The following AKAP1 variants were observed in gnomAD, a reference collection of about 807,000 sequenced individuals.
The protein encoded by AKAP1 is A-kinase anchoring protein 1.
AKAP1 carries 32 observed loss-of-function variants against 79.8 expected under a neutral mutation model. The ratio of observed to expected loss-of-function variants is 0.40; its 90% CI spans 0.30 to 0.54. AKAP1 has a LOEUF of 0.54. AKAP1 is among the 20% of genes least tolerant of loss of function. The pLI, the probability that AKAP1 is intolerant of heterozygous loss-of-function variation, is 0.47. For missense variants in AKAP1, 961 were observed against 1,138.9 expected, an observed-to-expected ratio of 0.84 and a Z score of 2.25; for synonymous variants, 416 against 466.7, an observed-to-expected ratio of 0.89 and a Z score of 1.40.
chr17:57,086,258 C>A lies in AKAP1; in HGVS notation c.-25+860C>A. On this transcript the variant is annotated intron_variant, in intron 1 of 10. Coordinates refer to ENST00000337714, the MANE Select transcript of AKAP1 (RefSeq NM_003488.4). This position sits in a 1 kb window ranked among gnomAD's most constrained non-coding sequence, Gnocchi z 5.1. ...GGTCTGCGATCTGGAGGGACCGCGCCAGTTTTGGGGTTACGATGTGCTAGG... is the reference window on the plus strand; with the variant it reads ...GGTCTGCGATCTGGAGGGACCGCGCAAGTTTTGGGGTTACGATGTGCTAGG... 1 of 343,048 alleles carries A rather than the reference C, an allele frequency of 2.9e-6. No homozygotes were observed. The highest frequency in any genetic ancestry group is 3.9e-5 in the Admixed American group (1 of 25,776). 21.3% of individuals were successfully genotyped at this position (343,048 alleles called of 1,614,324 possible). A position where few individuals can be genotyped will look rare whatever the true frequency, so the allele number is the denominator to read the frequency against.
chr17:57,120,129 A>G, intron 10 of AKAP1, 121 bp from the exon 11 acceptor site: 2 of 831,686 alleles, frequency 2.4e-6, no homozygotes, highest in Non-Finnish European at 3.9e-6. Context: ...TCTGGCCTAC[A>G]CTGTTACTCT....
intron 3 of AKAP1, 108 bp downstream of exon 3, chr17:57,110,266 A>C: frequency 6.8e-7 from 1 of 1,468,372 alleles, no homozygotes; most frequent in South Asian, 1.3e-5. Flanking sequence ...ACAGTAAACC[A>C]GAAGGAGCCC....
intron 8 of AKAP1, 31 bp downstream of exon 8, chr17:57,116,958 T>C (rs778372501): frequency 5.6e-6 from 9 of 1,602,738 alleles, no homozygotes; most frequent in South Asian, 2.2e-5. Context: ...CTTGGGGGAT[T>C]GTTGGGGACA....
chr17:57,105,250 C>T (rs904429237), intron 1 of AKAP1, among the ~76,000 whole-genome samples, 191 bp from the exon 2 acceptor site: 5 of 152,156 alleles, frequency 3.3e-5, no homozygotes, highest in Admixed American at 6.5e-5. Flanking sequence ...CTCTTCCTGG[C>T]CACTGACCCC....
rs1476617578 is a variant in AKAP1, at chr17:57,114,580, A to G, written c.2225A>G (p.Gln742Arg). 10 of 1,614,094 alleles carry G rather than the reference A, an allele frequency of 6.2e-6. No individual in the cohort carries two copies. Among genetic ancestry groups the G allele is most frequent in the Non-Finnish European group, 8.5e-6 (10 of 1,180,044 alleles). Reference sequence around the variant, plus strand: ...CACGCGCTGCGCAGCCTCGACCAGCAGATGTACCTCTGTTACTCTCAGCCT... The same window carrying G: ...CACGCGCTGCGCAGCCTCGACCAGCGGATGTACCTCTGTTACTCTCAGCCT... ...TFHALRSLDQ[Q>R]MYLCYSQPGI... The change falls in exon 6 of 11, where the codon CAG (glutamine) becomes CGG (arginine). Residue 742 changes from glutamine to arginine, a missense_variant. This residue lies in a region of AKAP1 where 629 missense variants were observed against 781.1 expected (regional missense o/e 0.81). Transcript: ENST00000337714.
intron 1 of AKAP1, among the ~76,000 whole-genome samples, chr17:57,099,012 G>A (rs144642466): frequency 0.022 from 3,309 of 151,476 alleles, 120 homozygotes; most frequent in African/African-American, 0.076. Flanking sequence ...TGATCTGCCC[G>A]CCTCGGCCTC....
chr17:57,120,618 T>C lies in AKAP1; in HGVS notation c.*294T>C. ...AGAAACAGTTTCAACCAGATTGTCC[T>C]ATTCCCCCTGTTCCATTCCCCTCTT... On this transcript the variant is annotated 3_prime_UTR_variant, in exon 11 of 11. Coordinates refer to ENST00000337714, the MANE Select transcript of AKAP1 (RefSeq NM_003488.4). 3.5e-6 allele frequency: 1 copy of C among 285,266 alleles called. No homozygotes were observed. The highest frequency in any genetic ancestry group is 6.6e-6 in the Non-Finnish European group (1 of 152,460). The allele number at this position is 285,266 out of a possible 1,614,324, so 17.7% of individuals were successfully genotyped here. A position where few individuals can be genotyped will look rare whatever the true frequency, so the allele number is the denominator to read the frequency against.
At chr17:57,114,697 A>T (rs941087834) in intron 6 of AKAP1, 61 bp downstream of exon 6, 43 of 1,495,348 alleles carry the variant, frequency 2.9e-5, no homozygotes, top group Middle Eastern at 1.7e-4. Context: ...TCTGCCCTGG[A>T]TCCTGATCAG....
Position 57,110,267 on chromosome 17 carries a change from G to A in AKAP1, c.1848+109G>A, listed in dbSNP as rs1915159421. On this transcript the variant is annotated intron_variant, in intron 3 of 10. Coordinates refer to ENST00000337714, the MANE Select transcript of AKAP1 (RefSeq NM_003488.4). The stretch of plus-strand genomic sequence containing the variant: ...GGGCTGGGAGAGGGACAGTAAACCA[G>A]AAGGAGCCCTGGGTCAGCCAAAGGC... 6 of 1,465,336 alleles carry A rather than the reference G, an allele frequency of 4.1e-6. No individual in the cohort carries two copies. The East Asian group carries it at 1.4e-4, about 34-fold the overall frequency. The allele number at this position is 1,465,336 out of a possible 1,614,324, so 90.8% of individuals were successfully genotyped here. A position where few individuals can be genotyped will look rare whatever the true frequency, so the allele number is the denominator to read the frequency against.
At chr17:57,099,390 C>T (rs889927712) in intron 1 of AKAP1, among the ~76,000 whole-genome samples, 16 of 152,312 alleles carry the variant, frequency 1.1e-4, no homozygotes, top group African/African-American at 3.9e-4. Flanking sequence ...TGCATAGAAG[C>T]AGTGACACCT....
chr17:57,115,959 C>T, intron 6 of AKAP1, 152 bp from the exon 7 acceptor site: 1 of 916,952 alleles, frequency 1.1e-6, no homozygotes, highest in South Asian at 1.8e-5. Context: ...TTGGGGGAGG[C>T]TTTGCTTGGG....
chr17:57,116,059 G>T (rs750215012), intron 6 of AKAP1, 52 bp from the exon 7 acceptor site: 99 of 1,587,182 alleles, frequency 6.2e-5, no homozygotes, highest in Non-Finnish European at 8.3e-5. Context: ...GGTGGCCCTT[G>T]GTGCCCTGCC....
At chr17:57,116,688 G>C (rs999040227) in intron 7 of AKAP1, among the ~76,000 whole-genome samples, 172 bp from the exon 8 acceptor site, 1 of 152,180 alleles carries the variant, frequency 6.6e-6, no homozygotes, top group African/African-American at 2.4e-5. Flanking sequence ...CTTGCAGCAG[G>C]GTCGGCTGGC....
chr17:57,107,590 G>A (rs765924242), intron 2 of AKAP1, among the ~76,000 whole-genome samples: 72 of 152,074 alleles, frequency 4.7e-4, no homozygotes, highest in Admixed American at 7.2e-4. Context: ...TTCCGCCCTC[G>A]GCCTCCCAGA....
chr17:57,106,375 T>C lies in AKAP1; in HGVS notation c.911T>C (p.Leu304Pro). 1 of 1,613,430 alleles carries C rather than the reference T, an allele frequency of 6.2e-7. No individual in the cohort carries two copies. Among genetic ancestry groups the C allele is most frequent in the East Asian group, 2.2e-5 (1 of 44,812 alleles). ...KAQDRGVEGELGNEESLDRNE... is the reference protein window; with the variant it reads ...KAQDRGVEGEPGNEESLDRNE... ...CAGGATAGAGGTGTCGAGGGAGAAC[T>C]GGGCAATGAGGAGAGCTTGGATAGA... The change falls in exon 2 of 11, where the codon CTG becomes CCG. Residue 304 changes from leucine (L) to proline (P), a missense_variant. Leu to Pro is a moderately conservative substitution (Grantham distance 98). This residue lies in a region of AKAP1 where 629 missense variants were observed against 781.1 expected (regional missense o/e 0.81). Transcript: ENST00000337714.
chr17:57,108,245 C>T (rs576552934), intron 2 of AKAP1, among the ~76,000 whole-genome samples: 4 of 152,250 alleles, frequency 2.6e-5, no homozygotes, highest in South Asian at 2.1e-4. Flanking sequence ...TTGTACCACA[C>T]GCTACATTTT....
At chr17:57,116,830 A>G (rs759096378) in intron 7 of AKAP1, 30 bp from the exon 8 acceptor site, 11 of 1,609,234 alleles carry the variant, frequency 6.8e-6, no homozygotes, top group Non-Finnish European at 7.7e-6. Flanking sequence ...TCATGTCCAC[A>G]TTAAACTTGT....
rs765962497 is a variant in AKAP1 at position 57,114,462 on chromosome 17, A to G, written c.2107A>G (p.Met703Val). The change falls in exon 6 of 11, where the codon ATG becomes GTG. Residue 703 changes from methionine (M) to valine (V), a missense_variant. This residue lies in a region of AKAP1 where 629 missense variants were observed against 781.1 expected (regional missense o/e 0.81). Coordinates refer to ENST00000337714, the MANE Select transcript of AKAP1 (RefSeq NM_003488.4). Reference protein sequence around the residue: ...LPSLPMTSWLMLPDGITVEVI... With the variant: ...LPSLPMTSWLVLPDGITVEVI... Reference sequence around the variant, plus strand: ...CGCTCCCCCTTCCCCTCTACAGCTCATGCTGCCTGATGGCATCACCGTGGA... The same window carrying G: ...CGCTCCCCCTTCCCCTCTACAGCTCGTGCTGCCTGATGGCATCACCGTGGA... 6.2e-7 allele frequency: 1 copy of G among 1,613,862 alleles called. No individual in the cohort carries two copies. The highest frequency in any genetic ancestry group is 8.5e-7 in the Non-Finnish European group (1 of 1,179,902).
At position 57,108,533 on chromosome 17, in the gene AKAP1, C is replaced by T. The variant is rs548513408; in HGVS notation, c.1714+1355C>T. Among the ~76,000 whole-genome samples, 9 of 152,332 alleles carry T rather than the reference C, an allele frequency of 5.9e-5. No homozygotes were observed. In the South Asian group the frequency reaches 1.9e-3, roughly 32 times the overall value. On this transcript the variant is annotated intron_variant, in intron 2 of 10. Transcript: ENST00000337714. ...CTCTAGATGGATAGTAGTAGCTACTCAGACCTGTTGAAGTCTTCTGAGTTT... is the reference window on the plus strand; with the variant it reads ...CTCTAGATGGATAGTAGTAGCTACTTAGACCTGTTGAAGTCTTCTGAGTTT...
Sources: allele counts gnomAD v4.1 joint callset (sites outside exome capture counted in the v4.1 genomes callset), GRCh38; gene constraint gnomAD v4.1.1; regional missense constraint gnomAD v4.1.1; non-coding constraint Gnocchi (gnomAD v3.1); transcripts MANE v1.5; gene names NCBI Gene and HGNC (gene_info 2026-07-23, HGNC 2026-07-21).